The following C4orf50 variants were observed in gnomAD, a reference collection of about 807,000 sequenced individuals.
C4orf50 encodes uncharacterized protein C4orf50.
A neutral mutation model predicts 77.2 loss-of-function variants in C4orf50; 80 were observed. The observed-to-expected ratio is 1.04, with a 90% CI of 0.87 to 1.25. The LOEUF (loss-of-function observed/expected upper bound fraction) is 1.25. Among genes scored for constraint, C4orf50 ranks in the 50% most tolerant of loss-of-function variants. The pLI is 0.00. For synonymous variants in C4orf50, 532 were observed against 465.3 expected (o/e 1.14, Z -1.84); for missense variants, 1,257 against 1,152.9 (o/e 1.09, Z -1.31).
chr4:5,955,845 T>G (rs1718934587), downstream of C4orf50, among the ~76,000 whole-genome samples: 1 of 152,198 alleles, frequency 6.6e-6, no homozygotes, highest in African/African-American at 2.4e-5. The surrounding 1 kb of genome is among the most constrained non-coding windows in gnomAD (Gnocchi z 5.1). Flanking sequence ...GGGCCCTGTC[T>G]GTGATGCTAA....
Position 5,970,478 on chromosome 4 carries a change from C to T in C4orf50, c.4105-3016G>A, listed in dbSNP as rs1046491981. 6.6e-5 allele frequency among the ~76,000 whole-genome samples: 10 copies of T among 152,212 alleles called. No individual in the cohort carries two copies. The highest frequency in any genetic ancestry group is 1.9e-4 in the East Asian group (1 of 5,140). Reference sequence around the variant, plus strand: ...CAGAGTAGGAGGAGGGAAGCCAGGGCGGATACAAGGGTGACCCATGGACGC... The same window carrying T: ...CAGAGTAGGAGGAGGGAAGCCAGGGTGGATACAAGGGTGACCCATGGACGC... On this transcript the variant is annotated intron_variant, in intron 31 of 33. Coordinates refer to ENST00000531445, the Ensembl canonical transcript of C4orf50. This position sits in a 1 kb window ranked among gnomAD's most constrained non-coding sequence, Gnocchi z 4.3.
chr4:5,950,155 G>GACAATC (rs1453129122), intron 7 of C4orf50, among the ~76,000 whole-genome samples: 1 of 152,100 alleles, frequency 6.6e-6, no homozygotes, highest in Non-Finnish European at 1.5e-5. Flanking sequence ...CACAAAGAAA[G>GACAATC]ACAATCACAG....
At chr4:6,012,333 G>A (rs1006769940) in intron 23 of C4orf50, among the ~76,000 whole-genome samples, 1 of 152,046 alleles carries the variant, frequency 6.6e-6, no homozygotes, top group Non-Finnish European at 1.5e-5. Context: ...CCTGCAGGTG[G>A]GTTCTGCTAC....
At chr4:5,980,586 G>A (rs982938573) in intron 28 of C4orf50, among the ~76,000 whole-genome samples, 10 of 152,054 alleles carry the variant, frequency 6.6e-5, no homozygotes, top group Admixed American at 6.6e-5. Flanking sequence ...CCCTAGACAC[G>A]TGCATGTATA....
chr4:5,986,743 T>C (rs967180794), intron 28 of C4orf50, among the ~76,000 whole-genome samples: 2 of 152,100 alleles, frequency 1.3e-5, no homozygotes, highest in African/African-American at 4.8e-5. Flanking sequence ...TTCACCATAT[T>C]GGCCAGGCAG....
At chr4:5,978,992 G>T (rs73069570) in intron 29 of C4orf50, among the ~76,000 whole-genome samples, 1 of 152,156 alleles carries the variant, frequency 6.6e-6, no homozygotes, top group Non-Finnish European at 1.5e-5. Context: ...AAATTATACC[G>T]TAATGCTGAG....
At chr4:5,959,616 G>T (rs751285609) in exon 34 of C4orf50, 2 of 1,612,430 alleles carry the variant, frequency 1.2e-6, no homozygotes, top group East Asian at 4.5e-5. Context: ...GGACACCAAG[G>T]ACAGAGGGAG....
At chr4:5,986,608 G>A (rs1720876973) in intron 28 of C4orf50, among the ~76,000 whole-genome samples, 1 of 149,384 alleles carries the variant, frequency 6.7e-6, no homozygotes, top group Admixed American at 6.7e-5. Flanking sequence ...GCACAATCTC[G>A]GCTCACTGCA....
intron 32 of C4orf50, among the ~76,000 whole-genome samples, chr4:5,966,466 C>T (rs540099606): frequency 5.7e-4 from 86 of 151,336 alleles, no homozygotes; most frequent in Non-Finnish European, 9.4e-4. Context: ...CAGAGGGAGA[C>T]TCCCTCTCAA....
Position 5,980,230 on chromosome 4 carries a change from C to CAGCG in C4orf50, c.3804_3807dup (p.Ala1270ArgfsTer22). On this transcript the variant is annotated frameshift_variant, in exon 29 of 34. Transcript: ENST00000531445. LOFTEE classifies it high-confidence loss of function. Reference sequence around the variant, plus strand: ...GCCTCGTCCAGAGACGCCTGGTGGGCAGCGCCCTGGTCCCTGAGCTGGCAC... The same window carrying CAGCG: ...GCCTCGTCCAGAGACGCCTGGTGGGCAGCGAGCGCCCTGGTCCCTGAGCTGGCAC... 1 of 1,610,830 alleles carries CAGCG rather than the reference C, an allele frequency of 6.2e-7. No homozygotes were observed. Among genetic ancestry groups the CAGCG allele is most frequent in the Middle Eastern group, 1.7e-4 (1 of 6,016 alleles).
chr4:5,978,011 A>G (rs1720380213), intron 29 of C4orf50, among the ~76,000 whole-genome samples: 1 of 152,244 alleles, frequency 6.6e-6, no homozygotes, highest in Non-Finnish European at 1.5e-5. Flanking sequence ...AATGGGAAGA[A>G]TCTGAATAAA....
chr4:6,004,778 G>T (rs975951381), intron 25 of C4orf50, among the ~76,000 whole-genome samples: 1 of 146,742 alleles, frequency 6.8e-6, no homozygotes, highest in African/African-American at 2.5e-5. Context: ...TGATGACGGC[G>T]ATGGTGATGG....
At chr4:5,980,501 C>A (rs1447033383) in intron 28 of C4orf50, among the ~76,000 whole-genome samples, 163 bp from the exon 7 acceptor site, 1 of 151,986 alleles carries the variant, frequency 6.6e-6, no homozygotes, top group African/African-American at 2.4e-5. Flanking sequence ...GATAAGGTAG[C>A]AGAAATCACT....
At position 5,926,156 on chromosome 4, in the gene C4orf50, C is replaced by T. The variant is rs78473704; in HGVS notation, c.*2475-27968G>A. Among the ~76,000 whole-genome samples, 124 of 152,268 alleles carry T rather than the reference C, an allele frequency of 8.1e-4. 1 individual carries two copies. The East Asian group carries it at 0.024, about 29-fold the overall frequency. On this transcript the variant is annotated intron_variant, in intron 7 of 7. Transcript: ENST00000324058. ...CCCTATTAATCTGGTGACCTAAACA[C>T]TCATAATAGTCAAAAAATGGAGACA...
intron 7 of C4orf50, among the ~76,000 whole-genome samples, chr4:5,939,249 A>AAAG (rs1560552451): frequency 9.9e-5 from 15 of 152,088 alleles, no homozygotes; most frequent in East Asian, 3.9e-4. Flanking sequence ...GTCTCAAAAA[A>AAAG]AAAGAAAGAA....
exon 34 of C4orf50, chr4:5,959,517 C>T (rs1290900337): frequency 6.2e-7 from 1 of 1,614,082 alleles, no homozygotes; most frequent in East Asian, 2.2e-5. Context: ...GAGGGCAGGA[C>T]AGGGCATTCC....
rs1722639977 is a variant in C4orf50 at position 6,015,257 on chromosome 4, G to A, written c.287+2888C>T. 6.6e-6 allele frequency among the ~76,000 whole-genome samples: 1 copy of A among 152,118 alleles called. No individual in the cohort carries two copies. The highest frequency in any genetic ancestry group is 6.5e-5 in the Admixed American group (1 of 15,278). On this transcript the variant is annotated intron_variant, in intron 23 of 33. Coordinates refer to ENST00000531445, the Ensembl canonical transcript of C4orf50. The surrounding 1 kb of genome is among the most constrained non-coding windows in gnomAD (Gnocchi z 4.4). ...AAAGAGGCAATTAAGTTGAAAGAAA[G>A]TCATGAGCGTGGGCCCAGATCCAAT...
chr4:5,974,826 G>A (rs770137880), intron 30 of C4orf50, among the ~76,000 whole-genome samples: 1 of 137,586 alleles, frequency 7.3e-6, no homozygotes, highest in Non-Finnish European at 1.7e-5. Context: ...TAGATACGTG[G>A]AGAAAACCTT....
intron 28 of C4orf50, among the ~76,000 whole-genome samples, chr4:5,983,479 T>C (rs1720707201): frequency 1.3e-5 from 2 of 152,220 alleles, no homozygotes; most frequent in African/African-American, 4.8e-5. Context: ...TGGAATGCTC[T>C]TCCTCGCTGC....
Sources: allele counts gnomAD v4.1 joint callset (sites outside exome capture counted in the v4.1 genomes callset), GRCh38; gene constraint gnomAD v4.1.1; non-coding constraint Gnocchi (gnomAD v3.1); transcripts MANE v1.5; gene names NCBI Gene and HGNC (gene_info 2026-07-23, HGNC 2026-07-21).